Variants in RPS18 observed in about 807,000 individuals in gnomAD.
RPS18 encodes the protein ribosomal protein S18, also known as small ribosomal subunit protein uS13.
For synonymous variants in RPS18, 64 were observed against 70.9 expected (o/e 0.90, Z 0.49); for missense variants, 49 against 200.8 (o/e 0.24, Z 4.57).
At chr6:33,273,334 T>G (rs1372363021) in intron 2 of RPS18, among the ~76,000 whole-genome samples, 4 of 152,358 alleles carry the variant, frequency 2.6e-5, no homozygotes, top group African/African-American at 9.6e-5. Context: ...CTTGAGTATT[T>G]CTCTCCACAA....
At chr6:33,276,089 G>GAT in intron 4 of RPS18, 23 bp downstream of exon 4, 2 of 1,609,206 alleles carry the variant, frequency 1.2e-6, no homozygotes, top group South Asian at 2.2e-5. Flanking sequence ...ATGAGGGCAG[G>GAT]ATTAGAGGAA....
chr6:33,274,919 G>T (rs759443836), intron 2 of RPS18, among the ~76,000 whole-genome samples: 1 of 152,174 alleles, frequency 6.6e-6, no homozygotes, highest in Non-Finnish European at 1.5e-5. Flanking sequence ...TGGCATGGGT[G>T]CTAGTGCTGG....
At chr6:33,272,223 C>T (rs1028814963) in intron 1 of RPS18, 101 bp downstream of exon 1, 2 of 1,308,586 alleles carry the variant, frequency 1.5e-6, no homozygotes, top group Admixed American at 4.0e-5. Context: ...GGGCCTGCGA[C>T]TTTCTGTATG....
chr6:33,275,643 T>C, intron 2 of RPS18, 154 bp from the exon 3 acceptor site: 1 of 697,120 alleles, frequency 1.4e-6, no homozygotes. Flanking sequence ...TGTCGAACGG[T>C]TTATATCTGG....
Position 33,276,403 on chromosome 6 carries a change from A to G in RPS18, c.396A>G (p.Arg132=). 1 of 1,613,988 alleles carries G rather than the reference A, an allele frequency of 6.2e-7. No individual in the cohort carries two copies. Among genetic ancestry groups the G allele is most frequent in the South Asian group, 1.1e-5 (1 of 91,072 alleles). The change falls in exon 6 of 6, where the codon CGA becomes CGG. Residue 132 remains arginine (R), a synonymous_variant. Coordinates refer to ENST00000439602, the MANE Select transcript of RPS18 (RefSeq NM_022551.3). ...TTTTTACCTGCAGCCTTCGTGTCCG[A>G]GGCCAGCACACCAAGACCACTGGCC... ...GLRHFWGLRV[R]GQHTKTTGRR...
At position 33,275,611 on chromosome 6, in the gene RPS18, G is replaced by T. The variant is rs955351648; in HGVS notation, c.103-186G>T. ...TGGGATTACAGGCGTGAGCCACTGC[G>T]ACCGGCCCAAAGTTAACCTTCTGTC... On this transcript the variant is annotated intron_variant, in intron 2 of 5. Coordinates refer to ENST00000439602, the MANE Select transcript of RPS18 (RefSeq NM_022551.3). 10 of 629,548 alleles carry T rather than the reference G, an allele frequency of 1.6e-5. No individual in the cohort carries two copies. The African/African-American group carries it at 1.8e-4, about 12-fold the overall frequency. 39.0% of individuals were successfully genotyped at this position (629,548 alleles called of 1,614,324 possible). A position where few individuals can be genotyped will look rare whatever the true frequency, so the allele number is the denominator to read the frequency against.
intron 2 of RPS18, among the ~76,000 whole-genome samples, chr6:33,273,519 T>C (rs777900178): frequency 3.3e-5 from 5 of 152,174 alleles, no homozygotes; most frequent in Non-Finnish European, 7.3e-5. Context: ...AGGGAATGGA[T>C]AGTAGTAGGG....
chr6:33,276,084 G>C lies in RPS18; in HGVS notation c.291+18G>C, dbSNP rs1257221298. On this transcript the variant is annotated intron_variant, in intron 4 of 5. Coordinates refer to ENST00000439602, the MANE Select transcript of RPS18 (RefSeq NM_022551.3). ...ACAGCCAGGTGTGTACTGAAATGAG[G>C]GCAGGATTAGAGGAAGGGTGGAGGG... The C allele has an allele frequency of 2.5e-6, 4 of 1,610,140 alleles. No individual in the cohort carries two copies. Among genetic ancestry groups the C allele is most frequent in the Non-Finnish European group, 3.4e-6 (4 of 1,176,642 alleles).
At chr6:33,275,713 C>G in intron 2 of RPS18, 84 bp from the exon 3 acceptor site, 1 of 915,848 alleles carries the variant, frequency 1.1e-6, no homozygotes, top group East Asian at 2.4e-5. Context: ...GCAGATCCTA[C>G]CTTTGTGAGC....
intron 2 of RPS18, among the ~76,000 whole-genome samples, chr6:33,274,515 C>T (rs968608649): frequency 2.6e-5 from 4 of 152,210 alleles, no homozygotes; most frequent in Admixed American, 2.6e-4. Context: ...ATAGGAACTG[C>T]CATTTGTTTT....
At chr6:33,273,277 C>T (rs754278445) in intron 2 of RPS18, among the ~76,000 whole-genome samples, 2 of 152,202 alleles carry the variant, frequency 1.3e-5, no homozygotes, top group Non-Finnish European at 2.9e-5. Flanking sequence ...ATCCATCTTT[C>T]TTTGGCTTTT....
Position 33,275,843 on chromosome 6 carries a change from T to C in RPS18, c.149T>C (p.Ile50Thr), listed in dbSNP as rs1423140009. ...CATGTGGTGTTGAGGAAAGCAGACA[T>C]TGACCTCACCAAGAGGGCGGGAGAA... The part of the protein sequence containing the change: ...YAHVVLRKAD[I>T]DLTKRAGELT... The change falls in exon 3 of 6, where the codon ATT becomes ACT. Residue 50 changes from isoleucine (I) to threonine (T), a missense_variant. Physicochemically the swap from Ile to Thr is moderately conservative, Grantham distance 89. Coordinates refer to ENST00000439602, the MANE Select transcript of RPS18 (RefSeq NM_022551.3). 1.9e-6 allele frequency: 3 copies of C among 1,613,420 alleles called. No homozygotes were observed. Among genetic ancestry groups the C allele is most frequent in the East Asian group, 2.2e-5 (1 of 44,878 alleles).
At chr6:33,273,438 ATG>A (rs1204877277) in intron 2 of RPS18, among the ~76,000 whole-genome samples, 1 of 151,786 alleles carries the variant, frequency 6.6e-6, no homozygotes, top group African/African-American at 2.4e-5. Context: ...GCCTACCAGT[ATG>A]TGTCCATGCG....
rs780179395 is a variant in RPS18 at position 33,272,086 on chromosome 6, A to G, written c.-34A>G. 2.7e-5 allele frequency: 43 copies of G among 1,563,876 alleles called. No individual in the cohort carries two copies. The highest frequency in any genetic ancestry group is 3.6e-5 in the Non-Finnish European group (42 of 1,153,974). On this transcript the variant is annotated 5_prime_UTR_variant, in exon 1 of 6. Coordinates refer to ENST00000439602, the MANE Select transcript of RPS18 (RefSeq NM_022551.3). Reference sequence around the variant, plus strand: ...GCGTCACTTCCGCTCTCTCTTCCACAGGAGGCCTACACGCCGCCGCTTGTG... The same window carrying G: ...GCGTCACTTCCGCTCTCTCTTCCACGGGAGGCCTACACGCCGCCGCTTGTG...
rs1464670733 is a variant in RPS18 at position 33,275,967 on chromosome 6, G to T, written c.192G>T (p.Val64=). 3 of 1,613,960 alleles carry T rather than the reference G, an allele frequency of 1.9e-6. No individual in the cohort carries two copies. Reference sequence around the variant, plus strand: ...TCTGACCTTGGTCTGCCTGCCAGGTGGAACGTGTGATCACCATTATGCAGA... The same window carrying T: ...TCTGACCTTGGTCTGCCTGCCAGGTTGAACGTGTGATCACCATTATGCAGA... The part of the protein sequence containing the change: ...KRAGELTEDE[V]ERVITIMQNP... The change falls in exon 4 of 6, where the codon GTG becomes GTT. Residue 64 remains valine (V), a splice_region_variant and synonymous_variant. Transcript: ENST00000439602.
At chr6:33,273,700 TCTAA>T (rs1181242031) in intron 2 of RPS18, among the ~76,000 whole-genome samples, 4 of 152,212 alleles carry the variant, frequency 2.6e-5, no homozygotes, top group East Asian at 1.9e-4. Flanking sequence ...CATGGATGTA[TCTAA>T]CTAAAAATTA....
In RPS18 at chr6:33,276,036, G is replaced by A; in HGVS notation, c.261G>A (p.Gln87=). 6.2e-7 allele frequency: 1 copy of A among 1,614,170 alleles called. No individual in the cohort carries two copies. Residue 87 remains glutamine, a synonymous_variant, in exon 4 of 6, where the codon CAG becomes CAA. Transcript: ENST00000439602. The stretch of plus-strand genomic sequence containing the variant: ...TCCCAGACTGGTTCTTGAACAGACA[G>A]AAGGATGTAAAGGATGGAAAATACA... The part of the protein sequence containing the change: ...YKIPDWFLNR[Q]KDVKDGKYSQ...
At chr6:33,272,293 C>T in intron 1 of RPS18, 171 bp downstream of exon 1, 2 of 767,322 alleles carry the variant, frequency 2.6e-6, no homozygotes, top group East Asian at 2.7e-5. Flanking sequence ...GGAGAGCGGG[C>T]CCGAGGAAGG....
chr6:33,272,225 T>C, intron 1 of RPS18, 103 bp downstream of exon 1: 1 of 1,283,506 alleles, frequency 7.8e-7, no homozygotes, highest in Non-Finnish European at 1.1e-6. Context: ...GCCTGCGACT[T>C]TCTGTATGGA....
Sources: allele counts gnomAD v4.1 joint callset (sites outside exome capture counted in the v4.1 genomes callset), GRCh38; gene constraint gnomAD v4.1.1; transcripts MANE v1.5; gene names NCBI Gene and HGNC (gene_info 2026-07-23, HGNC 2026-07-21).